The following ERC1 variants were observed in gnomAD, a reference collection of about 807,000 sequenced individuals.
ERC1 encodes ELKS/RAB6-interacting/CAST family member 1.
A neutral mutation model predicts 132.0 loss-of-function variants in ERC1; 56 were observed. The observed-to-expected ratio is 0.42, with a 90% CI of 0.34 to 0.53. ERC1 has a LOEUF of 0.53. ERC1 is among the 20% of genes least tolerant of loss of function. The pLI is 0.03. For synonymous variants in ERC1, 478 were observed against 476.1 expected (o/e 1.00, Z -0.05); for missense variants, 1,202 against 1,349.9 (o/e 0.89, Z 1.72).
intron 18 of ERC1, among the ~76,000 whole-genome samples, chr12:1,473,646 AAAAG>A (rs2093912952): frequency 6.6e-6 from 1 of 151,626 alleles, no homozygotes; most frequent in Non-Finnish European, 1.5e-5. Context: ...AAAAAAAAAA[AAAAG>A]GACAGGGAGG....
chr12:999,960 T>G (rs1381892304), intron 1 of ERC1, among the ~76,000 whole-genome samples: 1 of 152,180 alleles, frequency 6.6e-6, no homozygotes, highest in African/African-American at 2.4e-5. Context: ...TGAAGATTTC[T>G]GAGTAGGAGA....
intron 16 of ERC1, among the ~76,000 whole-genome samples, chr12:1,381,705 C>T (rs1264542433): frequency 6.6e-6 from 1 of 151,998 alleles, no homozygotes; most frequent in East Asian, 1.9e-4. Flanking sequence ...AACCCTTTTT[C>T]ATTCACTGTC....
intron 16 of ERC1, among the ~76,000 whole-genome samples, chr12:1,404,984 C>CA (rs921790966): frequency 7.9e-4 from 119 of 149,896 alleles, no homozygotes; most frequent in Non-Finnish European, 1.1e-3. Context: ...ACTAAAAATA[C>CA]AAAAAAAATA....
intron 16 of ERC1, among the ~76,000 whole-genome samples, chr12:1,373,903 C>T (rs1414722872): frequency 6.6e-6 from 1 of 152,234 alleles, no homozygotes; most frequent in Non-Finnish European, 1.5e-5. Context: ...CTTGAATTTT[C>T]TGTAGCGATG....
intron 13 of ERC1, among the ~76,000 whole-genome samples, chr12:1,252,567 T>C (rs1033767519): frequency 1.3e-5 from 2 of 152,230 alleles, no homozygotes; most frequent in Non-Finnish European, 2.9e-5. Context: ...TAAAGCATCA[T>C]TTTTATATGT....
At chr12:1,234,546 G>C (rs2075284821) in intron 12 of ERC1, among the ~76,000 whole-genome samples, 1 of 152,162 alleles carries the variant, frequency 6.6e-6, no homozygotes, top group African/African-American at 2.4e-5. Flanking sequence ...GGCTGCTGTT[G>C]GGTTTTTTGT....
chr12:1,304,843 A>G (rs9943854), intron 15 of ERC1, among the ~76,000 whole-genome samples: 56,403 of 131,844 alleles, frequency 0.43, 12,081 homozygotes, highest in Middle Eastern at 0.62. Flanking sequence ...GGGCTGGAGT[A>G]CAGTGGCGTG....
At chr12:1,121,831 ATCTCTATC>A (rs1225559940) in intron 7 of ERC1, among the ~76,000 whole-genome samples, 1 of 14,494 alleles carries the variant, frequency 6.9e-5, no homozygotes, top group African/African-American at 1.6e-4. Context: ...CTGTGTCTCT[ATCTCTATC>A]TATCTCTATC....
At chr12:1,278,870 C>G (rs964567501) in intron 14 of ERC1, among the ~76,000 whole-genome samples, 32 of 152,052 alleles carry the variant, frequency 2.1e-4, no homozygotes, top group African/African-American at 3.1e-4. Flanking sequence ...TGAACTCTTT[C>G]TTTTAGAATA....
At chr12:1,153,464 G>T (rs1951021040) in intron 8 of ERC1, among the ~76,000 whole-genome samples, 1 of 152,182 alleles carries the variant, frequency 6.6e-6, no homozygotes, top group African/African-American at 2.4e-5. Context: ...TGGATTTCAG[G>T]TTGCTGCCTG....
intron 16 of ERC1, among the ~76,000 whole-genome samples, chr12:1,394,028 A>AAC (rs2090245045): frequency 8.4e-6 from 1 of 119,510 alleles, no homozygotes; most frequent in Admixed American, 7.9e-5. Flanking sequence ...AAAAAAAAAA[A>AAC]AAAAACAAAA....
chr12:1,369,607 G>A (rs2086988099), intron 15 of ERC1, among the ~76,000 whole-genome samples: 1 of 152,188 alleles, frequency 6.6e-6, no homozygotes. Context: ...AAAGGGAACA[G>A]ATGACCGCAG....
At chr12:1,129,517 C>A (rs1184268967) in intron 7 of ERC1, among the ~76,000 whole-genome samples, 1 of 152,098 alleles carries the variant, frequency 6.6e-6, no homozygotes, top group Non-Finnish European at 1.5e-5. Flanking sequence ...TAGAGCGAGA[C>A]CCTGTCTCTA....
intron 8 of ERC1, among the ~76,000 whole-genome samples, chr12:1,142,018 T>C (rs1949903938): frequency 6.6e-6 from 1 of 152,238 alleles, no homozygotes. Flanking sequence ...CTTTTCATGC[T>C]GTTTCTCAAA....
intron 11 of ERC1, among the ~76,000 whole-genome samples, chr12:1,183,786 G>C (rs1364571510): frequency 7.9e-6 from 1 of 126,988 alleles, no homozygotes; most frequent in Non-Finnish European, 1.5e-5. Flanking sequence ...AGGTTGAGGT[G>C]GGAGGATTAC....
rs1565949499 is a variant in ERC1, at chr12:1,093,975, A to ATTTTTC, written c.1086+10396_1086+10397insTTTTCT. Among the ~76,000 whole-genome samples, 981 of 130,984 alleles carry ATTTTTC rather than the reference A, an allele frequency of 7.5e-3. 13 individuals carry two copies. Among genetic ancestry groups the ATTTTTC allele is most frequent in the African/African-American group, 0.022 (803 of 36,564 alleles). 85.9% of individuals were successfully genotyped at this position (130,984 alleles called of 152,430 possible). ...TATTTTTCTATATATATATATATAT[A>ATTTTTC]TATATATATAGAAAAACATAGAAAA... is the stretch of plus-strand genomic sequence containing the variant. On this transcript the variant is annotated intron_variant, in intron 3 of 18. Transcript: ENST00000360905.
At chr12:1,342,317 A>G (rs551011670) in intron 15 of ERC1, among the ~76,000 whole-genome samples, 3 of 151,958 alleles carry the variant, frequency 2.0e-5, no homozygotes, top group African/African-American at 7.2e-5. Context: ...AAATACAAAA[A>G]TTAGCTGGGC....
At chr12:1,351,652 T>C (rs1461283611) in intron 15 of ERC1, among the ~76,000 whole-genome samples, 2 of 152,210 alleles carry the variant, frequency 1.3e-5, no homozygotes, top group Non-Finnish European at 2.9e-5. Context: ...CCTTTTATCT[T>C]GTTTTATTTT....
chr12:1,014,110 C>T (rs935263711), intron 1 of ERC1, among the ~76,000 whole-genome samples: 15 of 151,628 alleles, frequency 9.9e-5, no homozygotes, highest in African/African-American at 2.9e-4. Flanking sequence ...AAATTAGTGC[C>T]GAATGGTTGT....
Sources: gnomAD v4.1 joint callset for allele counts (sites outside exome capture counted in the v4.1 genomes callset) on GRCh38, gnomAD v4.1.1 for gene constraint, MANE v1.5 for transcripts, NCBI Gene and HGNC (gene_info 2026-07-23, HGNC 2026-07-21) for gene names.